Variants in BCAR3 observed in about 807,000 individuals in gnomAD.
The protein encoded by BCAR3 is breast cancer anti-estrogen resistance protein 3.
In BCAR3, 37 loss-of-function variants were observed where a neutral mutation model predicts 80.1. The observed-to-expected ratio is 0.46, with a 90% CI of 0.36 to 0.61. The LOEUF (loss-of-function observed/expected upper bound fraction) is 0.61. Among genes scored for constraint, BCAR3 ranks in the 20% least tolerant of loss-of-function variants. The probability of loss-of-function intolerance (pLI) is 0.00; values close to 1 mark genes in which losing one functional copy is unlikely to be tolerated. For synonymous variants in BCAR3, 389 were observed against 418.9 expected (o/e 0.93, Z 0.87); for missense variants, 978 against 1,068.2 (o/e 0.92, Z 1.18).
chr1:93,719,242 C>A (rs1035538248), intron 2 of BCAR3, among the ~76,000 whole-genome samples: 3 of 151,812 alleles, frequency 2.0e-5, no homozygotes, highest in Non-Finnish European at 4.4e-5. Context: ...GGTTGATGCT[C>A]CATGTTGTAT....
At chr1:93,685,118 T>C (rs1286378361), upstream of BCAR3, among the ~76,000 whole-genome samples, 2 of 152,230 alleles carry the variant, frequency 1.3e-5, no homozygotes, top group African/African-American at 2.4e-5. Flanking sequence ...ACATGGTAGA[T>C]GCTCAATATA....
chr1:93,662,476 A>G (rs1323355733), intron 2 of BCAR3, among the ~76,000 whole-genome samples: 6 of 152,026 alleles, frequency 3.9e-5, no homozygotes, highest in Non-Finnish European at 8.8e-5. Flanking sequence ...TTAAAAAAAA[A>G]TCTCATTTCT....
At chr1:93,697,628 T>C (rs1273547246) in intron 3 of BCAR3, among the ~76,000 whole-genome samples, 2 of 152,216 alleles carry the variant, frequency 1.3e-5, no homozygotes, top group Non-Finnish European at 1.5e-5. Context: ...AATTGGACTC[T>C]GTGGCATCCT....
At chr1:93,580,197 T>TGCCTAAA (rs1424816313) in intron 7 of BCAR3, among the ~76,000 whole-genome samples, 1 of 152,198 alleles carries the variant, frequency 6.6e-6, no homozygotes, top group Non-Finnish European at 1.5e-5. Flanking sequence ...TCCTCAAGCC[T>TGCCTAAA]GTTTTGGGGA....
At chr1:93,780,570 G>GAA (rs60451590) in intron 2 of BCAR3, among the ~76,000 whole-genome samples, 3,500 of 113,188 alleles carry the variant, frequency 0.031, 152 homozygotes, top group African/African-American at 0.12. Flanking sequence ...AAGAGGAGAG[G>GAA]AAAAAAAAAA....
chr1:93,766,698 C>G (rs939757832), intron 2 of BCAR3, among the ~76,000 whole-genome samples: 1 of 152,202 alleles, frequency 6.6e-6, no homozygotes, highest in Non-Finnish European at 1.5e-5. Flanking sequence ...CCATCTTCAC[C>G]GTATCAGCTG....
intron 2 of BCAR3, chr1:93,753,276 G>A (rs923446959): frequency 3.3e-5 from 5 of 152,178 alleles, no homozygotes; most frequent in African/African-American, 9.7e-5. Context: ...CACTCAAGCT[G>A]TGTTGCACCC....
At chr1:93,724,892 C>T (rs910763974) in intron 2 of BCAR3, among the ~76,000 whole-genome samples, 1 of 152,200 alleles carries the variant, frequency 6.6e-6, no homozygotes, top group Non-Finnish European at 1.5e-5. Flanking sequence ...GCCCTCTAAA[C>T]CATTCTTAGC....
intron 2 of BCAR3, among the ~76,000 whole-genome samples, chr1:93,787,243 T>C (rs985500288): frequency 6.6e-6 from 1 of 152,196 alleles, no homozygotes; most frequent in African/African-American, 2.4e-5. Flanking sequence ...GCATTAAGCT[T>C]GAAGGAATGG....
intron 3 of BCAR3, chr1:93,613,963 T>C: frequency 2.6e-6 from 4 of 1,549,734 alleles, no homozygotes; most frequent in Non-Finnish European, 3.5e-6. Flanking sequence ...ACCACACACT[T>C]TCTTTAGGGT....
At chr1:93,782,113 G>A (rs1652782687) in intron 2 of BCAR3, among the ~76,000 whole-genome samples, 1 of 152,204 alleles carries the variant, frequency 6.6e-6, no homozygotes, top group African/African-American at 2.4e-5. Context: ...CGGAATGGAG[G>A]GAAAAGGAAG....
chr1:93,681,318 A>G (rs1286124206), intron 1 of BCAR3: 1 of 151,632 alleles, frequency 6.6e-6, no homozygotes, highest in Non-Finnish European at 1.5e-5. Context: ...CTGGCCGCCA[A>G]TCGCTGAGCG....
intron 3 of BCAR3, among the ~76,000 whole-genome samples, chr1:93,612,701 C>T (rs775838884): frequency 6.6e-6 from 1 of 152,130 alleles, no homozygotes; most frequent in Non-Finnish European, 1.5e-5. Context: ...CACACTTGAA[C>T]GATCCATATT....
chr1:93,713,007 G>A (rs970195234), intron 2 of BCAR3, among the ~76,000 whole-genome samples: 1 of 152,016 alleles, frequency 6.6e-6, no homozygotes, highest in Non-Finnish European at 1.5e-5. Context: ...TTTTTCTCTA[G>A]GGCAATACAG....
chr1:93,826,194 C>G (rs1557701006), intron 2 of BCAR3, among the ~76,000 whole-genome samples: 1 of 152,146 alleles, frequency 6.6e-6, no homozygotes, highest in Non-Finnish European at 1.5e-5. Context: ...TGGGAGCTCA[C>G]AGCTTCTCCT....
intron 9 of BCAR3, among the ~76,000 whole-genome samples, chr1:93,569,906 G>A (rs1332850697): frequency 6.6e-6 from 1 of 152,216 alleles, no homozygotes; most frequent in Non-Finnish European, 1.5e-5. Flanking sequence ...TTTACCCACA[G>A]CCTGGCCTGT....
chr1:93,610,946 G>C (rs1292842700), intron 3 of BCAR3, among the ~76,000 whole-genome samples: 1 of 152,012 alleles, frequency 6.6e-6, no homozygotes, highest in Non-Finnish European at 1.5e-5. Flanking sequence ...AGAGCACTAG[G>C]CTTCAGCCCA....
intron 4 of BCAR3, among the ~76,000 whole-genome samples, chr1:93,591,846 C>T (rs1473114531): frequency 1.3e-5 from 2 of 152,302 alleles, no homozygotes; most frequent in East Asian, 3.9e-4. Context: ...ATCTGGGCCA[C>T]CTGCCCTCTC....
At chr1:93,687,456 C>T (rs1022178333) in intron 3 of BCAR3, among the ~76,000 whole-genome samples, 11 of 152,178 alleles carry the variant, frequency 7.2e-5, no homozygotes, top group African/African-American at 2.4e-4. Context: ...TACAGGTGTG[C>T]GCCACAATGC....
Sources: allele counts gnomAD v4.1 joint callset (sites outside exome capture counted in the v4.1 genomes callset), GRCh38; gene constraint gnomAD v4.1.1; transcripts MANE v1.5; gene names NCBI Gene and HGNC (gene_info 2026-07-23, HGNC 2026-07-21).